Variants in CERS4 observed in about 807,000 individuals in gnomAD.
The protein encoded by CERS4 is LAG1 homolog, ceramide synthase 4.
CERS4 carries 65 observed loss-of-function variants against 51.8 expected under a neutral mutation model. The observed-to-expected ratio is 1.26, with a 90% CI of 1.03 to 1.54. CERS4 has a LOEUF of 1.54. CERS4 is among the 40% of genes most tolerant of loss of function. The probability of loss-of-function intolerance (pLI) is 0.00; values close to 1 mark genes in which losing one functional copy is unlikely to be tolerated. For missense variants in CERS4, 563 were observed against 500.4 expected, an observed-to-expected ratio of 1.13 and a Z score of -1.19; for synonymous variants, 228 against 208.4, an observed-to-expected ratio of 1.09 and a Z score of -0.81.
rs1418725207 is a variant in CERS4, at chr19:8,262,276, C to T, written c.*167C>T. 1.8e-5 allele frequency: 12 copies of T among 674,170 alleles called. No individual in the cohort carries two copies. The highest frequency in any genetic ancestry group is 4.4e-4 in the Middle Eastern group (1 of 2,268). 41.8% of individuals were successfully genotyped at this position (674,170 alleles called of 1,614,324 possible). ...CTCCAGCCCCTTCCTTCTGCCCACCCACCCTTCTTCCCTCTGGGCAACTGG... is the reference window on the plus strand; with the variant it reads ...CTCCAGCCCCTTCCTTCTGCCCACCTACCCTTCTTCCCTCTGGGCAACTGG... On this transcript the variant is annotated 3_prime_UTR_variant, in exon 12 of 12. Coordinates refer to ENST00000251363, the MANE Select transcript of CERS4 (RefSeq NM_024552.3).
In CERS4 at chr19:8,255,678, C is replaced by G. The variant is rs1969337558; in HGVS notation, c.363C>G (p.Arg121=). 1 of 1,613,076 alleles carries G rather than the reference C, an allele frequency of 6.2e-7. No individual in the cohort carries two copies. The highest frequency in any genetic ancestry group is 8.5e-7 in the Non-Finnish European group (1 of 1,179,834). ...LQQTQRWFRR[R]RNQDRPQLTK... is the part of the protein sequence containing the mutation. ...AGACCCAGCGATGGTTCCGGAGACG[C>G]CGGAACCAGGATCGACCCCAGCTGA... The change falls in exon 5 of 12, where the codon CGC becomes CGG. Residue 121 remains arginine (R), a synonymous_variant. Transcript: ENST00000251363.
At chr19:8,219,483 A>G (rs1453842072) in intron 2 of CERS4, among the ~76,000 whole-genome samples, 1 of 152,112 alleles carries the variant, frequency 6.6e-6, no homozygotes, top group African/African-American at 2.4e-5. Flanking sequence ...TGGGCAACAT[A>G]GTAAGACCCT....
chr19:8,230,634 T>C (rs1241362809), intron 2 of CERS4, among the ~76,000 whole-genome samples: 2 of 152,216 alleles, frequency 1.3e-5, no homozygotes, highest in Non-Finnish European at 2.9e-5. Flanking sequence ...ATTCAAAGTG[T>C]TGTGCAACCA....
At chr19:8,256,045 A>G (rs1969363004) in intron 6 of CERS4, 166 bp downstream of exon 6, 1 of 943,386 alleles carries the variant, frequency 1.1e-6, no homozygotes, top group Non-Finnish European at 1.6e-6. Context: ...AGGTATTTGG[A>G]TTTACTATGC....
At chr19:8,241,062 G>A (rs138175938) in intron 2 of CERS4, among the ~76,000 whole-genome samples, 2,238 of 152,210 alleles carry the variant, frequency 0.015, 24 homozygotes, top group Middle Eastern at 0.045. Flanking sequence ...CCACCCACGC[G>A]GTGGCTCTGC....
chr19:8,217,532 C>T (rs1250972466), intron 2 of CERS4, among the ~76,000 whole-genome samples: 2 of 149,002 alleles, frequency 1.3e-5, no homozygotes, highest in Non-Finnish European at 3.0e-5. Flanking sequence ...CCACACCTGG[C>T]TAATGTTTTT....
chr19:8,216,208 G>C (rs1047342032), intron 2 of CERS4, among the ~76,000 whole-genome samples: 2 of 150,694 alleles, frequency 1.3e-5, no homozygotes, highest in African/African-American at 4.9e-5. Flanking sequence ...GTGAAACCCC[G>C]TCTCTACTAA....
At chr19:8,258,994 C>T (rs1456866063) in intron 10 of CERS4, among the ~76,000 whole-genome samples, 1 of 151,690 alleles carries the variant, frequency 6.6e-6, no homozygotes, top group African/African-American at 2.4e-5. Flanking sequence ...ATTAGCTGGG[C>T]ATGGTGGCAC....
At chr19:8,223,643 G>A (rs552417672) in intron 2 of CERS4, among the ~76,000 whole-genome samples, 10 of 152,054 alleles carry the variant, frequency 6.6e-5, no homozygotes, top group South Asian at 2.1e-4. Context: ...AAAATTAGCC[G>A]GGCGTGGCAG....
At position 8,215,487 on chromosome 19, in the gene CERS4, AAAAAC is replaced by A. The variant is rs1180474846; in HGVS notation, c.-2+4630_-2+4634del. ...GAGCAAGACTCTGTCTCAAAAAAAA[AAAAAC>A]AAAAAACAAGCAGCGGGTGTGTCTG... On this transcript the variant is annotated intron_variant, in intron 2 of 11. Transcript: ENST00000251363. Among the ~76,000 whole-genome samples, 1,183 of 151,596 alleles carry A rather than the reference AAAAAC, an allele frequency of 7.8e-3. 17 individuals carry two copies. The highest frequency in any genetic ancestry group is 0.026 in the African/African-American group (1,079 of 41,262).
intron 2 of CERS4, chr19:8,250,717 A>T: frequency 1.5e-6 from 1 of 661,476 alleles, no homozygotes; most frequent in Non-Finnish European, 1.9e-6. Flanking sequence ...GGCCTTCTAA[A>T]GTGCTGGGAT....
chr19:8,248,735 A>G (rs111211967), intron 2 of CERS4, among the ~76,000 whole-genome samples: 6,130 of 148,480 alleles, frequency 0.041, 154 homozygotes, highest in African/African-American at 0.054. Flanking sequence ...GATGGACGAT[A>G]GGTGGATGGA....
At chr19:8,256,898 G>GA (rs1969416958) in intron 8 of CERS4, 51 bp from the exon 9 acceptor site, 6 of 1,612,934 alleles carry the variant, frequency 3.7e-6, no homozygotes, top group Non-Finnish European at 5.1e-6. Flanking sequence ...TAGGGTGGGG[G>GA]ACCTTCCAGC....
At chr19:8,230,347 G>A (rs1222054040) in intron 2 of CERS4, among the ~76,000 whole-genome samples, 1 of 151,938 alleles carries the variant, frequency 6.6e-6, no homozygotes, top group African/African-American at 2.4e-5. Context: ...GTGCCACCAC[G>A]CCTGGCCAAT....
At chr19:8,254,717 C>T in intron 4 of CERS4, 101 bp downstream of exon 4, 1 of 988,306 alleles carries the variant, frequency 1.0e-6, no homozygotes. Context: ...GCCAAGGTGG[C>T]TGCAGGCACC....
chr19:8,213,678 TAGAG>T (rs1411995854), intron 2 of CERS4, among the ~76,000 whole-genome samples: 1 of 151,842 alleles, frequency 6.6e-6, no homozygotes, highest in East Asian at 1.9e-4. Flanking sequence ...CAGAGTAGCA[TAGAG>T]AGGCCCGGCG....
At chr19:8,250,894 GA>G in intron 2 of CERS4, 181 bp from the exon 3 acceptor site, 7 of 1,427,728 alleles carry the variant, frequency 4.9e-6, no homozygotes, top group South Asian at 3.3e-5. Context: ...GCTCTTCTGG[GA>G]CCAGAGGACA....
intron 2 of CERS4, among the ~76,000 whole-genome samples, chr19:8,248,698 G>T (rs568489233): frequency 6.6e-6 from 1 of 151,328 alleles, no homozygotes; most frequent in Admixed American, 6.6e-5. Flanking sequence ...TGGGGAGATG[G>T]ATGAATGGGT....
intron 2 of CERS4, among the ~76,000 whole-genome samples, chr19:8,248,614 T>A (rs1050789410): frequency 1.3e-5 from 2 of 149,200 alleles, no homozygotes; most frequent in East Asian, 4.0e-4. Flanking sequence ...GGTGGATGGA[T>A]GATGGGCAGG....
Sources: allele counts gnomAD v4.1 joint callset (sites outside exome capture counted in the v4.1 genomes callset), GRCh38; gene constraint gnomAD v4.1.1; transcripts MANE v1.5; gene names NCBI Gene and HGNC (gene_info 2026-07-23, HGNC 2026-07-21).